Variants in PRR16 observed in about 807,000 individuals in gnomAD.
The protein encoded by PRR16 is proline rich 16, also known as protein Largen.
A neutral mutation model predicts 18.2 loss-of-function variants in PRR16; 6 were observed. That is an observed-to-expected ratio of 0.33 (90% CI 0.18 to 0.65). The LOEUF (loss-of-function observed/expected upper bound fraction) is 0.65, where lower values mean the gene tolerates loss of function less well. PRR16 is among the 30% of genes least tolerant of loss of function. PRR16 has a pLI of 0.74. For missense variants in PRR16, 412 were observed against 376.6 expected (o/e 1.09, Z -0.78); for synonymous variants, 151 against 147.8 (o/e 1.02, Z -0.16).
At chr5:120,523,736 G>A (rs1372610575) in intron 1 of PRR16, among the ~76,000 whole-genome samples, 1 of 151,880 alleles carries the variant, frequency 6.6e-6, no homozygotes, top group Non-Finnish European at 1.5e-5. Flanking sequence ...ATCTTTTCTA[G>A]TGAAAGTCAC....
At chr5:120,713,790 A>G in the PRR16 span, among the ~76,000 whole-genome samples, 1 of 152,188 alleles carries the variant, frequency 6.6e-6, no homozygotes, top group Non-Finnish European at 1.5e-5. Flanking sequence ...TATGACTACT[A>G]TAACAATTTG....
At chr5:120,508,461 A>G (rs1750716293) in intron 1 of PRR16, among the ~76,000 whole-genome samples, 2 of 152,154 alleles carry the variant, frequency 1.3e-5, no homozygotes, top group Non-Finnish European at 2.9e-5. Flanking sequence ...TAATCTCTGT[A>G]GCAGTCTGCT....
the PRR16 span, among the ~76,000 whole-genome samples, chr5:120,783,275 T>C: frequency 2.0e-5 from 3 of 152,214 alleles, no homozygotes; most frequent in African/African-American, 4.8e-5. Context: ...AAACGTTTTT[T>C]CTAAAGCAGC....
chr5:120,620,100 A>G (rs1754638518), intron 1 of PRR16, among the ~76,000 whole-genome samples: 1 of 152,198 alleles, frequency 6.6e-6, no homozygotes, highest in South Asian at 2.1e-4. Flanking sequence ...AAAGATTCAC[A>G]ATAAATTGGC....
intron 1 of PRR16, among the ~76,000 whole-genome samples, chr5:120,507,281 A>T (rs1348480045): frequency 6.6e-6 from 1 of 152,168 alleles, no homozygotes; most frequent in Non-Finnish European, 1.5e-5. Flanking sequence ...TGTTATATAT[A>T]CCTATGCTGT....
intron 1 of PRR16, among the ~76,000 whole-genome samples, chr5:120,670,236 A>G (rs192587157): frequency 1.1e-4 from 17 of 152,226 alleles, no homozygotes; most frequent in Admixed American, 3.3e-4. Flanking sequence ...TATTTATAGT[A>G]TCTCCCAACA....
At chr5:120,648,453 T>C (rs995730319) in intron 1 of PRR16, among the ~76,000 whole-genome samples, 1 of 152,158 alleles carries the variant, frequency 6.6e-6, no homozygotes, top group African/African-American at 2.4e-5. Context: ...TATGCTTCCC[T>C]GCCTTCCCTT....
chr5:120,615,537 A>G (rs1373379010), intron 1 of PRR16, among the ~76,000 whole-genome samples: 1 of 151,828 alleles, frequency 6.6e-6, no homozygotes, highest in Admixed American at 6.6e-5. Flanking sequence ...ATGAATGTCT[A>G]ATTTTTTTAA....
chr5:120,791,015 A>T, the PRR16 span, among the ~76,000 whole-genome samples: 1 of 152,190 alleles, frequency 6.6e-6, no homozygotes, highest in African/African-American at 2.4e-5. Flanking sequence ...AAGAAGTCAA[A>T]TACAGTGAAA....
rs147249859 is a variant in PRR16, at chr5:120,480,553, C to G, written c.159+15908C>G. 3.7e-3 allele frequency among the ~76,000 whole-genome samples: 562 copies of G among 152,232 alleles called. 2 individuals are homozygous for G. Among genetic ancestry groups the G allele is most frequent in the Non-Finnish European group, 6.5e-3 (444 of 67,986 alleles). On this transcript the variant is annotated intron_variant, in intron 1 of 1. Transcript: ENST00000407149. ...TAGTATACTGACAATGTAGTACTAT[C>G]TAATGGAGTTAACTCCTGTACTATA...
rs889686776 is a variant in PRR16 at position 120,527,297 on chromosome 5, G to A, written c.159+62652G>A. Reference sequence around the variant, plus strand: ...ATGAGAGTAACTGAGTTCTTTATTCGTGTGGTTAGTGTTTTCCTTAATTAT... The same window carrying A: ...ATGAGAGTAACTGAGTTCTTTATTCATGTGGTTAGTGTTTTCCTTAATTAT... On this transcript the variant is annotated intron_variant, in intron 1 of 1. Transcript: ENST00000407149. Among the ~76,000 whole-genome samples, 8 of 152,108 alleles carry A rather than the reference G, an allele frequency of 5.3e-5. 1 individual carries two copies. The highest frequency in any genetic ancestry group is 1.9e-4 in the East Asian group (1 of 5,192).
At chr5:120,696,404 T>C in the PRR16 span, among the ~76,000 whole-genome samples, 1 of 152,226 alleles carries the variant, frequency 6.6e-6, no homozygotes, top group East Asian at 1.9e-4. Context: ...GTACTTACCA[T>C]ACCTACGTTT....
intron 1 of PRR16, among the ~76,000 whole-genome samples, chr5:120,465,362 C>T (rs1251054985): frequency 3.3e-5 from 5 of 152,256 alleles, no homozygotes; most frequent in Non-Finnish European, 4.4e-5. Flanking sequence ...TGGCATTGAA[C>T]CCGAGAAGCA....
At chr5:120,634,661 G>C (rs1399989005) in intron 1 of PRR16, among the ~76,000 whole-genome samples, 1 of 151,876 alleles carries the variant, frequency 6.6e-6, no homozygotes, top group Non-Finnish European at 1.5e-5. Flanking sequence ...AAAAAATTAA[G>C]TCTGAAAGAT....
chr5:120,561,217 T>C (rs1752564554), intron 1 of PRR16, among the ~76,000 whole-genome samples: 1 of 152,078 alleles, frequency 6.6e-6, no homozygotes, highest in African/African-American at 2.4e-5. Context: ...GGTTGTTTAT[T>C]TGAAGTTTTT....
intron 1 of PRR16, among the ~76,000 whole-genome samples, chr5:120,563,294 G>T (rs978879600): frequency 2.0e-5 from 3 of 152,174 alleles, no homozygotes; most frequent in Non-Finnish European, 4.4e-5. Context: ...TCAGCAAGTG[G>T]CAATGCCAGT....
chr5:120,716,255 T>C, the PRR16 span, among the ~76,000 whole-genome samples: 1 of 152,168 alleles, frequency 6.6e-6, no homozygotes, highest in Non-Finnish European at 1.5e-5. Context: ...TCTGTCTTCC[T>C]GCCTATGTGA....
At chr5:120,557,595 C>G (rs1440067192) in intron 1 of PRR16, among the ~76,000 whole-genome samples, 1 of 151,766 alleles carries the variant, frequency 6.6e-6, no homozygotes, top group Non-Finnish European at 1.5e-5. Context: ...ATTTTTGTGA[C>G]TCTGGGCAAC....
At chr5:120,493,841 T>C (rs1439472031) in intron 1 of PRR16, among the ~76,000 whole-genome samples, 2 of 152,194 alleles carry the variant, frequency 1.3e-5, no homozygotes, top group African/African-American at 4.8e-5. Context: ...TGGAGATTCA[T>C]GCAGGTTATG....
Sources: allele counts gnomAD v4.1 joint callset (sites outside exome capture counted in the v4.1 genomes callset), GRCh38; gene constraint gnomAD v4.1.1; transcripts MANE v1.5; gene names NCBI Gene and HGNC (gene_info 2026-07-23, HGNC 2026-07-21).